Variants in TMEM65 observed in about 807,000 individuals in gnomAD.
TMEM65 encodes the protein transmembrane protein 65.
Under a neutral mutation model 25.4 loss-of-function variants are expected in TMEM65, and 22 were observed. The observed-to-expected ratio is 0.86, with a 90% CI of 0.62 to 1.23. TMEM65 has a LOEUF of 1.23. Among genes scored for constraint, TMEM65 ranks in the 50% most tolerant of loss-of-function variants. TMEM65 has a pLI of 0.00. For missense variants in TMEM65, 262 were observed against 308.2 expected, an observed-to-expected ratio of 0.85 and a Z score of 1.12; for synonymous variants, 132 against 126.2, an observed-to-expected ratio of 1.05 and a Z score of -0.31.
intron 1 of TMEM65, among the ~76,000 whole-genome samples, chr8:124,363,045 G>A (rs1489120051): frequency 6.6e-6 from 1 of 152,174 alleles, no homozygotes; most frequent in Non-Finnish European, 1.5e-5. Flanking sequence ...ATTTTACAGT[G>A]ATCTTTGATC....
intron 2 of TMEM65, among the ~76,000 whole-genome samples, chr8:124,329,307 T>G (rs901353481): frequency 1.3e-5 from 2 of 151,906 alleles, no homozygotes; most frequent in Non-Finnish European, 2.9e-5. Context: ...CATTACAAAT[T>G]TAACAGGTTA....
In TMEM65 at chr8:124,341,716, T is replaced by C. The variant is rs1814585194; in HGVS notation, c.305-10924A>G. Among the ~76,000 whole-genome samples, 3 of 152,064 alleles carry C rather than the reference T, an allele frequency of 2.0e-5. No homozygotes were observed. In the South Asian group the frequency reaches 6.2e-4, roughly 31 times the overall value. On this transcript the variant is annotated intron_variant, in intron 1 of 6. Transcript: ENST00000297632. ...AGTCTAGTCTTGTAATTTTCACTTT[T>C]GTTAAATGAATGACTACTGTTCACA...
intron 1 of TMEM65, among the ~76,000 whole-genome samples, chr8:124,334,264 G>C (rs1008107035): frequency 6.6e-5 from 10 of 152,006 alleles, no homozygotes; most frequent in African/African-American, 2.2e-4. Context: ...ATTTTCAGAA[G>C]ACAATACAGA....
chr8:124,357,829 CTTT>C (rs35830531), intron 1 of TMEM65, among the ~76,000 whole-genome samples: 8 of 105,820 alleles, frequency 7.6e-5, no homozygotes, highest in African/African-American at 2.6e-4. Flanking sequence ...ACTTTTTTAT[CTTT>C]TTTTTTTTTT....
intron 2 of TMEM65, among the ~76,000 whole-genome samples, chr8:124,329,206 G>A (rs546627754): frequency 1.9e-4 from 29 of 151,656 alleles, no homozygotes; most frequent in Non-Finnish European, 3.2e-4. Flanking sequence ...CAATTAAAGA[G>A]TCTAGCCTTA....
chr8:124,326,250 A>C (rs1814364793), intron 3 of TMEM65, among the ~76,000 whole-genome samples: 1 of 151,998 alleles, frequency 6.6e-6, no homozygotes, highest in South Asian at 2.1e-4. Flanking sequence ...CTCCCACTAA[A>C]TGTACTGAAG....
chr8:124,332,127 T>C lies in TMEM65; in HGVS notation c.305-1335A>G, dbSNP rs369205761. ...ATCTGATTAAAATATATTCTTATTTTTGATTAGCATCATTAACTCAAAATC... is the reference window on the plus strand; with the variant it reads ...ATCTGATTAAAATATATTCTTATTTCTGATTAGCATCATTAACTCAAAATC... On this transcript the variant is annotated intron_variant, in intron 1 of 6. Coordinates refer to ENST00000297632, the MANE Select transcript of TMEM65 (RefSeq NM_194291.3). Among the ~76,000 whole-genome samples the C allele has an allele frequency of 3.3e-5, 5 of 152,304 alleles. No homozygotes were observed. The East Asian group carries it at 5.8e-4, about 18-fold the overall frequency.
In TMEM65 at chr8:124,333,320, CATAT is replaced by C. The variant is rs775830062; in HGVS notation, c.305-2532_305-2529del. Among the ~76,000 whole-genome samples, 3 of 151,598 alleles carry C rather than the reference CATAT, an allele frequency of 2.0e-5. No individual in the cohort carries two copies. The East Asian group carries it at 5.8e-4, about 29-fold the overall frequency. ...CAATACATCCCAGAAGGTTTATTTCCATATATATATATTTTATGAATTAATTTCA... is the reference window on the plus strand; with the variant it reads ...CAATACATCCCAGAAGGTTTATTTCCATATATATTTTATGAATTAATTTCA... On this transcript the variant is annotated intron_variant, in intron 1 of 6. Transcript: ENST00000297632.
Position 124,330,782 on chromosome 8 carries a change from T to C in TMEM65, c.315A>G (p.Glu105=), listed in dbSNP as rs748587474. ...GCTGTCCTGGGGTGGGTGGTGGAGC[T>C]TCCAATTTTTCTAAAGGGGAGAAAA... ...ESIAIAQEKL[E]APPPTPGQLR... The change falls in exon 2 of 7, where the codon GAA becomes GAG. Residue 105 remains glutamate, a synonymous_variant. Transcript: ENST00000297632. The C allele has an allele frequency of 1.3e-6, 2 of 1,578,674 alleles. No homozygotes were observed. Among genetic ancestry groups the C allele is most frequent in the Non-Finnish European group, 1.7e-6 (2 of 1,166,650 alleles).
intron 1 of TMEM65, among the ~76,000 whole-genome samples, chr8:124,344,002 T>C (rs1814614710): frequency 6.6e-6 from 1 of 152,210 alleles, no homozygotes; most frequent in South Asian, 2.1e-4. Flanking sequence ...CCTCCAACCT[T>C]GCAATGATTC....
chr8:124,353,205 T>C (rs1377103064), intron 1 of TMEM65, among the ~76,000 whole-genome samples: 2 of 152,044 alleles, frequency 1.3e-5, no homozygotes, highest in Admixed American at 6.6e-5. Context: ...GCTCAGGGTG[T>C]CAGTGCCCAA....
At chr8:124,327,739 T>A (rs1032259010) in intron 2 of TMEM65, among the ~76,000 whole-genome samples, 1 of 151,448 alleles carries the variant, frequency 6.6e-6, no homozygotes, top group African/African-American at 2.4e-5. Context: ...AACAAATTAG[T>A]AAACATATAT....
chr8:124,368,228 G>A (rs978951785), intron 1 of TMEM65, among the ~76,000 whole-genome samples: 10 of 141,744 alleles, frequency 7.1e-5, no homozygotes, highest in African/African-American at 1.9e-4. Flanking sequence ...CGAAGACTGC[G>A]TTTTAAAAGT....
intron 2 of TMEM65, among the ~76,000 whole-genome samples, chr8:124,330,484 T>G (rs1814417600): frequency 6.6e-6 from 1 of 151,964 alleles, no homozygotes; most frequent in South Asian, 2.1e-4. Flanking sequence ...TTAAGAAAAC[T>G]TCTATCATAA....
chr8:124,365,011 A>G (rs1814918867), intron 1 of TMEM65, among the ~76,000 whole-genome samples: 1 of 152,224 alleles, frequency 6.6e-6, no homozygotes, highest in African/African-American at 2.4e-5. Flanking sequence ...AATCTCCACT[A>G]ATAATGGCAA....
At chr8:124,371,302 A>G (rs1379049068) in intron 1 of TMEM65, among the ~76,000 whole-genome samples, 2 of 151,826 alleles carry the variant, frequency 1.3e-5, no homozygotes, top group Non-Finnish European at 2.9e-5. Flanking sequence ...GCAATCAGAC[A>G]TGTGTGGAAA....
chr8:124,367,406 G>A (rs1174665985), intron 1 of TMEM65, among the ~76,000 whole-genome samples: 1 of 152,108 alleles, frequency 6.6e-6, no homozygotes, highest in Non-Finnish European at 1.5e-5. Context: ...CCTGGGAGAT[G>A]GAGTTGCACT....
chr8:124,317,933 T>C (rs963748999), intron 6 of TMEM65, among the ~76,000 whole-genome samples: 7 of 152,086 alleles, frequency 4.6e-5, no homozygotes, highest in Admixed American at 1.3e-4. Flanking sequence ...CTGGGCCACA[T>C]TGGAAGAAGA....
At chr8:124,347,088 A>G (rs1814648218) in intron 1 of TMEM65, among the ~76,000 whole-genome samples, 1 of 152,226 alleles carries the variant, frequency 6.6e-6, no homozygotes. Flanking sequence ...AAAGAAACAA[A>G]TTAATATGGC....
Sources: allele counts gnomAD v4.1 joint callset (sites outside exome capture counted in the v4.1 genomes callset), GRCh38; gene constraint gnomAD v4.1.1; transcripts MANE v1.5; gene names NCBI Gene and HGNC (gene_info 2026-07-23, HGNC 2026-07-21).